The following VAV2 variants were observed in gnomAD, a reference collection of about 807,000 sequenced individuals.
VAV2 encodes the protein vav guanine nucleotide exchange factor 2, also known as guanine nucleotide exchange factor VAV2.
Under a neutral mutation model 132.5 loss-of-function variants are expected in VAV2, and 67 were observed. The observed-to-expected ratio is 0.51, with a 90% CI of 0.42 to 0.62. The LOEUF (loss-of-function observed/expected upper bound fraction) is 0.62. VAV2 is among the 20% of genes least tolerant of loss of function. The pLI is 0.00. For synonymous variants in VAV2, 492 were observed against 443.5 expected, an observed-to-expected ratio of 1.11 and a Z score of -1.37; for missense variants, 938 against 1,153.6, an observed-to-expected ratio of 0.81 and a Z score of 2.71.
rs1222651492 is a variant in VAV2, at chr9:133,840,215, G to C, written c.381-5875C>G. Among the ~76,000 whole-genome samples the C allele has an allele frequency of 1.3e-5, 2 of 152,208 alleles. No homozygotes were observed. Among genetic ancestry groups the C allele is most frequent in the Non-Finnish European group, 2.9e-5 (2 of 68,032 alleles). Reference sequence around the variant, plus strand: ...TCTCCTCCCACCAGAGCCTTCCTGAGCATGCATTTCCTCGTGCCCGGCTTC... The same window carrying C: ...TCTCCTCCCACCAGAGCCTTCCTGACCATGCATTTCCTCGTGCCCGGCTTC... On this transcript the variant is annotated intron_variant, in intron 3 of 29. Transcript: ENST00000371850. This position sits in a 1 kb window ranked among gnomAD's most constrained non-coding sequence, Gnocchi z 4.5.
In VAV2 at chr9:133,768,507, C is replaced by A. The variant is rs145738821; in HGVS notation, c.2524G>T (p.Val842Leu). ...MRELSLREGD[V>L]VRIYSRIGGD... ...CCGATGCGGCTGTAGATCCTCACCACGTCACCCTCCCGCAGCGAAAGCTCC... is the reference window on the plus strand; with the variant it reads ...CCGATGCGGCTGTAGATCCTCACCAAGTCACCCTCCCGCAGCGAAAGCTCC... Residue 842 changes from valine to leucine, a missense_variant, in exon 29 of 30, where the codon GTG becomes TTG. Transcript: ENST00000371850. The surrounding 1 kb of genome is among the most constrained non-coding windows in gnomAD (Gnocchi z 5.3). 6.2e-7 allele frequency: 1 copy of A among 1,614,022 alleles called. No homozygotes were observed. The highest frequency in any genetic ancestry group is 1.1e-5 in the South Asian group (1 of 91,072).
chr9:133,924,115 T>A (rs887679737), intron 2 of VAV2, among the ~76,000 whole-genome samples: 2 of 152,142 alleles, frequency 1.3e-5, no homozygotes, highest in African/African-American at 4.8e-5. Context: ...ATTGTGCACA[T>A]GTACCCTAAA....
At chr9:133,772,086 C>A in intron 25 of VAV2, 40 bp from the exon 26 acceptor site, 2 of 1,563,256 alleles carry the variant, frequency 1.3e-6, no homozygotes, top group Non-Finnish European at 1.8e-6. Context: ...CGCGTGAGGG[C>A]CACACGGCCC....
At chr9:133,799,229 GGCACAGGGACGGGCA>G (rs1834838148) in intron 9 of VAV2, among the ~76,000 whole-genome samples, 12 of 152,206 alleles carry the variant, frequency 7.9e-5, no homozygotes, top group Admixed American at 6.5e-4. Flanking sequence ...AGCTGGCTCA[GGCACAGGGACGGGCA>G]TCTTGACACA....
At chr9:133,940,703 G>A (rs1358390258) in intron 1 of VAV2, among the ~76,000 whole-genome samples, 2 of 142,476 alleles carry the variant, frequency 1.4e-5, no homozygotes, top group Admixed American at 1.4e-4. Flanking sequence ...GTGTGTGTGT[G>A]TGTGTTTCTG....
rs749647931 is a variant in VAV2 at position 133,776,016 on chromosome 9, C to A, written c.2018+12G>T. ...ACCAGATGCCCATGTCTGCAGCCCA[C>A]GATCCACTCACCAGGGGTATGCAGT... On this transcript the variant is annotated intron_variant, in intron 24 of 29. Transcript: ENST00000371850. The A allele has an allele frequency of 1.2e-6, 2 of 1,605,024 alleles. No homozygotes were observed. The highest frequency in any genetic ancestry group is 4.5e-5 in the East Asian group (2 of 44,352).
chr9:133,816,010 C>T (rs1835545719), intron 4 of VAV2, among the ~76,000 whole-genome samples: 5 of 152,320 alleles, frequency 3.3e-5, no homozygotes, highest in Admixed American at 1.3e-4. Context: ...CTGCTGTTGC[C>T]GGTCTTTTTC....
intron 19 of VAV2, 90 bp downstream of exon 19, chr9:133,783,413 T>C (rs2488563): frequency 0.89 from 1,172,884 of 1,311,512 alleles, 524,553 homozygotes; most frequent in East Asian, 1. Context: ...CCGTGGGAGA[T>C]GGTGCCCGAG....
chr9:133,888,298 C>T (rs1484183629), intron 2 of VAV2, among the ~76,000 whole-genome samples: 1 of 152,164 alleles, frequency 6.6e-6, no homozygotes, highest in Non-Finnish European at 1.5e-5. Context: ...TGCACAGCAA[C>T]GTGAGTGTGT....
chr9:133,796,519 G>A lies in VAV2; in HGVS notation c.942C>T (p.Cys314=), dbSNP rs1242059988. 2 of 1,613,246 alleles carry A rather than the reference G, an allele frequency of 1.2e-6. No homozygotes were observed. Among genetic ancestry groups the A allele is most frequent in the East Asian group, 2.2e-5 (1 of 44,882 alleles). The change falls in exon 11 of 30, where the codon TGC becomes TGT. Residue 314 remains cysteine (C), a synonymous_variant. Transcript: ENST00000371850. ...ATTTTCCATCCTGGACCTTCAGTGT[G>A]CACTCCTGGGAGGGCGACAGGGCGA... ...REDFRQKVEE[C]TLKVQDGKFK... is the part of the protein sequence containing the mutation.
intron 2 of VAV2, among the ~76,000 whole-genome samples, chr9:133,913,430 C>T (rs926179448): frequency 2.0e-5 from 3 of 152,300 alleles, no homozygotes; most frequent in African/African-American, 7.2e-5. Flanking sequence ...AGGGGTGGTG[C>T]GCGCTTCCTG....
chr9:133,865,770 T>C (rs1300932858), intron 2 of VAV2, among the ~76,000 whole-genome samples: 1 of 152,252 alleles, frequency 6.6e-6, no homozygotes, highest in African/African-American at 2.4e-5. Flanking sequence ...AGATTATATG[T>C]ATTGTGTATA....
intron 2 of VAV2, among the ~76,000 whole-genome samples, chr9:133,870,693 A>G (rs967154360): frequency 8.2e-5 from 12 of 145,806 alleles, no homozygotes; most frequent in Admixed American, 6.8e-4. Flanking sequence ...GGGTGGGTGG[A>G]TGGATAAGTG....
rs755667048 is a variant in VAV2 at position 133,935,240 on chromosome 9, C to G, written c.321+3863G>C. 3.7e-4 allele frequency among the ~76,000 whole-genome samples: 57 copies of G among 152,146 alleles called. No individual in the cohort carries two copies. Among genetic ancestry groups the G allele is most frequent in the Non-Finnish European group, 6.5e-4 (44 of 68,030 alleles). On this transcript the variant is annotated intron_variant, in intron 2 of 29. Transcript: ENST00000371850. This position sits in a 1 kb window ranked among gnomAD's most constrained non-coding sequence, Gnocchi z 5.2. ...CCAACTGGGCTGAGCTCATGAATGA[C>G]AAAAGATGAATCTGGACGTGTAGGA...
At chr9:133,948,562 A>G (rs1841449338) in intron 1 of VAV2, among the ~76,000 whole-genome samples, 1 of 152,104 alleles carries the variant, frequency 6.6e-6, no homozygotes, top group South Asian at 2.1e-4. Context: ...TCCCCCCACC[A>G]AGAGCAAGCA....
At chr9:133,904,388 C>T (rs748502351) in intron 2 of VAV2, among the ~76,000 whole-genome samples, 27 of 152,246 alleles carry the variant, frequency 1.8e-4, no homozygotes, top group Admixed American at 3.9e-4. Context: ...CGACCATCAA[C>T]GCCTCACTTT....
chr9:133,826,086 G>T lies in VAV2; in HGVS notation c.449+8186C>A, dbSNP rs2131746460. Among the ~76,000 whole-genome samples, 1 of 152,324 alleles carries T rather than the reference G, an allele frequency of 6.6e-6. No individual in the cohort carries two copies. The highest frequency in any genetic ancestry group is 2.1e-4 in the South Asian group (1 of 4,826). On this transcript the variant is annotated intron_variant, in intron 4 of 29. Transcript: ENST00000371850. This position sits in a 1 kb window ranked among gnomAD's most constrained non-coding sequence, Gnocchi z 4.2. ...TTCAACTCCCAGGAAAGTGAAACCAGTGTTATGCAAAGCAGGCTCCTAAAT... is the reference window on the plus strand; with the variant it reads ...TTCAACTCCCAGGAAAGTGAAACCATTGTTATGCAAAGCAGGCTCCTAAAT...
intron 2 of VAV2, among the ~76,000 whole-genome samples, chr9:133,936,948 T>C (rs1280642328): frequency 6.6e-6 from 1 of 152,250 alleles, no homozygotes; most frequent in Non-Finnish European, 1.5e-5. Context: ...TGACAAGGGC[T>C]GCCCATTTGC....
intron 3 of VAV2, among the ~76,000 whole-genome samples, chr9:133,858,385 A>C (rs73662304): frequency 0.021 from 3,192 of 152,316 alleles, 111 homozygotes; most frequent in African/African-American, 0.072. Flanking sequence ...ACACATGCCG[A>C]CTGTCACACA....
Sources: allele counts gnomAD v4.1 joint callset (sites outside exome capture counted in the v4.1 genomes callset), GRCh38; gene constraint gnomAD v4.1.1; non-coding constraint Gnocchi (gnomAD v3.1); transcripts MANE v1.5; gene names NCBI Gene and HGNC (gene_info 2026-07-23, HGNC 2026-07-21).